XRCC4: variants seen among roughly 807,000 people sequenced by gnomAD.
XRCC4 encodes DNA repair protein XRCC4.
A neutral mutation model predicts 39.1 loss-of-function variants in XRCC4; 28 were observed. The observed-to-expected ratio is 0.72, with a 90% CI of 0.53 to 0.98. XRCC4 has a LOEUF of 0.98. Among genes scored for constraint, XRCC4 ranks in the 50% least tolerant of loss-of-function variants. XRCC4 has a pLI of 0.00. For missense variants in XRCC4, 350 were observed against 376.4 expected (o/e 0.93, Z 0.58); for synonymous variants, 123 against 126.4 (o/e 0.97, Z 0.18).
chr5:83,289,461 C>A (rs1209977162), intron 7 of XRCC4, among the ~76,000 whole-genome samples: 1 of 151,862 alleles, frequency 6.6e-6, no homozygotes, highest in African/African-American at 2.4e-5. Context: ...GTGTCAGAAG[C>A]TTCAAACTCC....
At chr5:83,106,207 A>T (rs1746190548) in intron 2 of XRCC4, among the ~76,000 whole-genome samples, 1 of 152,148 alleles carries the variant, frequency 6.6e-6, no homozygotes, top group Admixed American at 6.5e-5. Flanking sequence ...TATGCCAGAG[A>T]GATTATATCC....
chr5:83,227,802 G>T (rs534535685), intron 6 of XRCC4, among the ~76,000 whole-genome samples: 11 of 152,074 alleles, frequency 7.2e-5, no homozygotes, highest in Admixed American at 1.3e-4. Flanking sequence ...AGAAAAAAAT[G>T]TAACATTGCA....
intron 3 of XRCC4, among the ~76,000 whole-genome samples, chr5:83,122,236 G>A (rs28745308): frequency 0.012 from 1,769 of 152,194 alleles, 11 homozygotes; most frequent in Middle Eastern, 0.044. Context: ...TCTTAATTGA[G>A]GATGCATTGG....
At chr5:83,256,640 A>T (rs1007276473) in intron 6 of XRCC4, among the ~76,000 whole-genome samples, 5 of 107,622 alleles carry the variant, frequency 4.6e-5, no homozygotes, top group African/African-American at 2.4e-4. Flanking sequence ...AATGTGTTTA[A>T]AAAAAAAAAA....
chr5:83,192,250 A>T (rs925740042), intron 3 of XRCC4, among the ~76,000 whole-genome samples: 4 of 141,220 alleles, frequency 2.8e-5, no homozygotes, highest in African/African-American at 1.0e-4. Context: ...TGTACATATT[A>T]TATATACGTA....
chr5:83,300,546 TTGTGTGTGTGTGTG>T (rs70973389), intron 7 of XRCC4, among the ~76,000 whole-genome samples: 2 of 126,990 alleles, frequency 1.6e-5, no homozygotes, highest in African/African-American at 2.9e-5. Flanking sequence ...TATCTTTTGT[TTGTGTGTGTGTGTG>T]TGTGTGTGTG....
At chr5:83,267,581 A>T (rs1372679389) in intron 7 of XRCC4, among the ~76,000 whole-genome samples, 4 of 152,184 alleles carry the variant, frequency 2.6e-5, no homozygotes, top group Admixed American at 2.6e-4. Context: ...TTTAACATTT[A>T]AGGAAACCAT....
At chr5:83,224,410 CT>C (rs1752211373) in intron 6 of XRCC4, among the ~76,000 whole-genome samples, 1 of 152,082 alleles carries the variant, frequency 6.6e-6, no homozygotes, top group African/African-American at 2.4e-5. Flanking sequence ...TGCTCTCCCT[CT>C]TTATATGTTT....
intron 3 of XRCC4, among the ~76,000 whole-genome samples, chr5:83,145,877 A>G (rs1240594931): frequency 6.8e-6 from 1 of 146,112 alleles, no homozygotes; most frequent in East Asian, 2.0e-4. Context: ...TTTTTTCCTA[A>G]TATTTTGTGC....
chr5:83,300,229 G>C (rs978384296), intron 7 of XRCC4, among the ~76,000 whole-genome samples: 1 of 151,978 alleles, frequency 6.6e-6, no homozygotes, highest in Non-Finnish European at 1.5e-5. Context: ...CTCCACTTTA[G>C]ACAGGCCCTA....
At chr5:83,285,064 C>T (rs1754685784) in intron 7 of XRCC4, among the ~76,000 whole-genome samples, 1 of 152,094 alleles carries the variant, frequency 6.6e-6, no homozygotes, top group Non-Finnish European at 1.5e-5. Flanking sequence ...GGCCTAGAAC[C>T]TGGTGCTTGC....
chr5:83,202,777 A>G (rs1213833084), intron 4 of XRCC4, among the ~76,000 whole-genome samples: 3 of 152,222 alleles, frequency 2.0e-5, no homozygotes, highest in Non-Finnish European at 2.9e-5. Flanking sequence ...ATGTGTATGC[A>G]TATATTAAGT....
intron 3 of XRCC4, among the ~76,000 whole-genome samples, chr5:83,144,319 C>T (rs922770300): frequency 1.6e-5 from 2 of 123,936 alleles, no homozygotes; most frequent in African/African-American, 5.6e-5. Context: ...AATTGAACAT[C>T]CACATGTAGT....
chr5:83,210,574 C>T (rs1259862784), intron 6 of XRCC4, among the ~76,000 whole-genome samples: 1 of 152,112 alleles, frequency 6.6e-6, no homozygotes, highest in Non-Finnish European at 1.5e-5. Flanking sequence ...ACCACATTAG[C>T]ACGTCTACTC....
chr5:83,109,496 A>G (rs1322190666), intron 2 of XRCC4, among the ~76,000 whole-genome samples: 1 of 151,964 alleles, frequency 6.6e-6, no homozygotes, highest in African/African-American at 2.4e-5. Flanking sequence ...ATACAACCAT[A>G]TGAGACTTTT....
Position 83,204,875 on chromosome 5 carries a change from T to C in XRCC4, c.699T>C (p.Thr233=), listed in dbSNP as rs1487140838. 1.2e-6 allele frequency: 2 copies of C among 1,612,626 alleles called. No homozygotes were observed. The highest frequency in any genetic ancestry group is 1.7e-4 in the Middle Eastern group (1 of 6,050). The change falls in exon 6 of 8, where the codon ACT becomes ACC. Residue 233 remains threonine (T), a synonymous_variant. Transcript: ENST00000396027. ...GAGATCCAGTCTATGATGAGAGTAC[T>C]GATGAGGAAAGTGAAAACCAAACTG... The part of the protein sequence containing the change: ...ADRDPVYDES[T]DEESENQTDL...
At chr5:83,114,996 C>T (rs1746640424) in intron 3 of XRCC4, among the ~76,000 whole-genome samples, 1 of 152,094 alleles carries the variant, frequency 6.6e-6, no homozygotes. Context: ...GGCAAGAGAG[C>T]ATGTGCAGGG....
intron 6 of XRCC4, among the ~76,000 whole-genome samples, chr5:83,256,414 T>C (rs548281665): frequency 6.6e-6 from 1 of 152,228 alleles, no homozygotes; most frequent in Non-Finnish European, 1.5e-5. Flanking sequence ...ATTTTATTTT[T>C]AAAAATTTTG....
At chr5:83,348,699 C>T (rs977773920) in intron 7 of XRCC4, among the ~76,000 whole-genome samples, 3 of 152,226 alleles carry the variant, frequency 2.0e-5, no homozygotes, top group East Asian at 1.9e-4. Flanking sequence ...TGTTTACTTG[C>T]GCAAATTTCT....
Sources: allele counts gnomAD v4.1 joint callset (sites outside exome capture counted in the v4.1 genomes callset), GRCh38; gene constraint gnomAD v4.1.1; transcripts MANE v1.5; gene names NCBI Gene and HGNC (gene_info 2026-07-23, HGNC 2026-07-21).